KAZN: variants seen among roughly 807,000 people sequenced by gnomAD.
KAZN encodes kazrin.
KAZN carries 40 observed loss-of-function variants against 87.4 expected under a neutral mutation model. The ratio of observed to expected loss-of-function variants is 0.46; its 90% CI spans 0.36 to 0.60. The LOEUF is 0.60. Ranked by LOEUF, KAZN falls within the 20% of genes least tolerant of loss-of-function variation. The pLI, the probability that KAZN is intolerant of heterozygous loss-of-function variation, is 0.00. For synonymous variants in KAZN, 466 were observed against 458.3 expected (o/e 1.02, Z -0.22); for missense variants, 898 against 1,073.9 (o/e 0.84, Z 2.29).
chr1:14,569,320 CTT>C (rs35144232), intron 2 of KAZN, among the ~76,000 whole-genome samples: 1 of 92,322 alleles, frequency 1.1e-5, no homozygotes, highest in African/African-American at 4.5e-5. Context: ...ACTTCCTCTG[CTT>C]TTTTTTTTTT....
At chr1:14,360,740 C>A (rs562512805) in intron 2 of KAZN, among the ~76,000 whole-genome samples, 63 of 152,310 alleles carry the variant, frequency 4.1e-4, no homozygotes, top group African/African-American at 1.4e-3. Context: ...TCACTCCAGA[C>A]CCTCTTTGCC....
At chr1:14,362,077 A>G (rs143534147) in intron 2 of KAZN, among the ~76,000 whole-genome samples, 3 of 152,296 alleles carry the variant, frequency 2.0e-5, no homozygotes, top group Admixed American at 1.3e-4. Context: ...CTGCATGACA[A>G]TATTACCATA....
chr1:15,025,780 G>A (rs1435856770), intron 2 of KAZN, among the ~76,000 whole-genome samples: 4 of 152,150 alleles, frequency 2.6e-5, no homozygotes, highest in African/African-American at 9.7e-5. Context: ...GGCTGCGCGA[G>A]CCGGTCAACC....
rs1639983851 is a variant in KAZN, at chr1:15,081,086, A to C, written c.1223-13094A>C. ...CCTGCTGTGGCTGGAAGAGGCGTGG[A>C]CGAGGCGGGGTTGGCAGAAGATGAG... On this transcript the variant is annotated intron_variant, in intron 8 of 14. Coordinates refer to ENST00000376030, the MANE Select transcript of KAZN (RefSeq NM_201628.3). This position sits in a 1 kb window ranked among gnomAD's most constrained non-coding sequence, Gnocchi z 4.1. 6.6e-6 allele frequency among the ~76,000 whole-genome samples: 1 copy of C among 152,236 alleles called. No homozygotes were observed. Among genetic ancestry groups the C allele is most frequent in the South Asian group, 2.1e-4 (1 of 4,830 alleles).
At chr1:14,588,551 T>C (rs1675993213) in intron 2 of KAZN, among the ~76,000 whole-genome samples, 1 of 152,230 alleles carries the variant, frequency 6.6e-6, no homozygotes, top group Non-Finnish European at 1.5e-5. Flanking sequence ...CAGAGCTCCA[T>C]CCTCTGAGTC....
intron 2 of KAZN, among the ~76,000 whole-genome samples, chr1:15,027,127 G>T (rs1671255688): frequency 1.6e-5 from 2 of 122,772 alleles, no homozygotes; most frequent in East Asian, 2.6e-4. Flanking sequence ...TGTCGCCCAG[G>T]CTGGAGTGCA....
In KAZN at chr1:14,265,576, G is replaced by A. The variant is rs1571178177; in HGVS notation, c.249+84984G>A. ...GCTTAGCAGAATGCTTCCTTACAGC[G>A]ATGCTTAACCCCAGCAGATTGGAGA... On this transcript the variant is annotated intron_variant, in intron 2 of 16. Transcript: ENST00000636203. 2.6e-5 allele frequency among the ~76,000 whole-genome samples: 4 copies of A among 152,292 alleles called. No individual in the cohort carries two copies. The East Asian group carries it at 5.8e-4, about 22-fold the overall frequency.
chr1:13,983,647 C>T (rs538945393), intron 1 of KAZN, among the ~76,000 whole-genome samples: 4 of 152,322 alleles, frequency 2.6e-5, no homozygotes, highest in South Asian at 2.1e-4. Context: ...CCTCAAGTGC[C>T]GCCAAAGTGG....
At chr1:14,019,057 A>G (rs558476416) in intron 1 of KAZN, among the ~76,000 whole-genome samples, 16 of 152,252 alleles carry the variant, frequency 1.1e-4, no homozygotes, top group South Asian at 8.3e-4. Flanking sequence ...TGGCCTTTTA[A>G]CTTTCAAAAG....
At chr1:14,083,578 C>A (rs1170797591) in intron 1 of KAZN, among the ~76,000 whole-genome samples, 2 of 152,218 alleles carry the variant, frequency 1.3e-5, no homozygotes, top group Non-Finnish European at 2.9e-5. Context: ...GATGCTAATG[C>A]ATCTTTATTG....
intron 1 of KAZN, among the ~76,000 whole-genome samples, chr1:14,739,965 CT>C (rs1644035650): frequency 2.6e-5 from 4 of 152,210 alleles, no homozygotes; most frequent in African/African-American, 9.6e-5. Flanking sequence ...CCTTTTGGCT[CT>C]GGTTTATTGG....
At chr1:13,972,165 A>G (rs72640509) in intron 1 of KAZN, among the ~76,000 whole-genome samples, 15,534 of 152,228 alleles carry the variant, frequency 0.1, 1,029 homozygotes, top group East Asian at 0.19. Flanking sequence ...TTCAGAAAAT[A>G]ATACAATTTA....
intron 2 of KAZN, among the ~76,000 whole-genome samples, chr1:14,288,208 A>C (rs1162279916): frequency 6.6e-6 from 1 of 152,186 alleles, no homozygotes; most frequent in African/African-American, 2.4e-5. Flanking sequence ...TGAGTTAGGG[A>C]GGATTCCCTC....
intron 2 of KAZN, among the ~76,000 whole-genome samples, chr1:14,241,929 C>T (rs529717957): frequency 6.6e-6 from 1 of 152,198 alleles, no homozygotes; most frequent in Non-Finnish European, 1.5e-5. Context: ...GTGTGCCAAA[C>T]CTCCTTACTT....
At chr1:14,457,417 T>C (rs11809399) in intron 2 of KAZN, among the ~76,000 whole-genome samples, 5,374 of 152,292 alleles carry the variant, frequency 0.035, 339 homozygotes, top group African/African-American at 0.12. Context: ...ATATTCTATA[T>C]GTACAATTCA....
chr1:14,680,524 G>A (rs1252714086), intron 1 of KAZN, among the ~76,000 whole-genome samples: 1 of 152,086 alleles, frequency 6.6e-6, no homozygotes, highest in East Asian at 1.9e-4. Context: ...GTATATATGT[G>A]CCATGGTGGT....
intron 2 of KAZN, among the ~76,000 whole-genome samples, chr1:14,423,124 A>G (rs1665527254): frequency 1.3e-5 from 2 of 152,182 alleles, no homozygotes; most frequent in Admixed American, 6.5e-5. Flanking sequence ...GCCCCTCACA[A>G]TGCACTTCTT....
intron 1 of KAZN, among the ~76,000 whole-genome samples, chr1:13,935,425 C>T (rs1314973841): frequency 6.6e-6 from 1 of 152,126 alleles, no homozygotes; most frequent in Admixed American, 6.6e-5. Context: ...GGGATTCAAA[C>T]CCACTCAATC....
At chr1:15,029,877 C>G (rs980642781) in intron 2 of KAZN, among the ~76,000 whole-genome samples, 2 of 152,180 alleles carry the variant, frequency 1.3e-5, no homozygotes, top group African/African-American at 4.8e-5. Context: ...CTTCTTTCCA[C>G]CGGAGCAGGA....
Sources: gnomAD v4.1 joint callset for allele counts (sites outside exome capture counted in the v4.1 genomes callset) on GRCh38, gnomAD v4.1.1 for gene constraint, Gnocchi (gnomAD v3.1) non-coding constraint, MANE v1.5 for transcripts, NCBI Gene and HGNC (gene_info 2026-07-23, HGNC 2026-07-21) for gene names.